Variants in OTUD7A observed in about 807,000 individuals in gnomAD.
OTUD7A encodes the protein OTU domain-containing protein 7A.
Under a neutral mutation model 65.7 loss-of-function variants are expected in OTUD7A, and 12 were observed. The ratio of observed to expected loss-of-function variants is 0.18; its 90% CI spans 0.12 to 0.30. The LOEUF (loss-of-function observed/expected upper bound fraction) is 0.30, where lower values mean the gene tolerates loss of function less well. OTUD7A is among the 10% of genes least tolerant of loss of function. OTUD7A has a pLI of 1.00. For synonymous variants in OTUD7A, 641 were observed against 586.3 expected (o/e 1.09, Z -1.35); for missense variants, 1,148 against 1,304.8 (o/e 0.88, Z 1.85).
At chr15:31,532,876 G>A (rs1165288926) in intron 5 of OTUD7A, among the ~76,000 whole-genome samples, 4 of 150,702 alleles carry the variant, frequency 2.7e-5, no homozygotes, top group African/African-American at 9.8e-5. Flanking sequence ...GGAGCTTGTA[G>A]GGAGCCGAAA....
chr15:31,507,623 C>G (rs887414854), intron 8 of OTUD7A, among the ~76,000 whole-genome samples: 4 of 83,178 alleles, frequency 4.8e-5, no homozygotes, highest in African/African-American at 2.5e-4. Context: ...CAGGTTGCTG[C>G]CGCTGCTGGC....
intron 5 of OTUD7A, among the ~76,000 whole-genome samples, chr15:31,543,046 A>C (rs1046538971): frequency 6.6e-6 from 1 of 152,090 alleles, no homozygotes; most frequent in African/African-American, 2.4e-5. Context: ...GAAACAAAAA[A>C]GGTAAGCATA....
Position 31,501,677 on chromosome 15 carries a change from G to A in OTUD7A, c.1171+13C>T. The A allele has an allele frequency of 6.2e-7, 1 of 1,614,144 alleles. No individual in the cohort carries two copies. On this transcript the variant is annotated intron_variant, in intron 10 of 12. Coordinates refer to ENST00000307050, the MANE Select transcript of OTUD7A (RefSeq NM_001382637.1). ...TAGGCTCCTGCGTGCACTCTCTTGG[G>A]AGACAGGCATACCTTGTTCTCTTTG...
intron 3 of OTUD7A, among the ~76,000 whole-genome samples, chr15:31,644,744 G>A (rs2141265733): frequency 6.6e-6 from 1 of 152,314 alleles, no homozygotes; most frequent in Middle Eastern, 3.4e-3. Flanking sequence ...CTCCCAAAGT[G>A]TTGGGATTAC....
At chr15:31,623,327 T>C (rs1004171436) in intron 3 of OTUD7A, among the ~76,000 whole-genome samples, 13 of 152,192 alleles carry the variant, frequency 8.5e-5, no homozygotes, top group Non-Finnish European at 1.0e-4. Flanking sequence ...CAGAGGTTTG[T>C]GCTGCCTTTT....
intron 1 of OTUD7A, among the ~76,000 whole-genome samples, chr15:31,849,124 C>A (rs901560216): frequency 6.6e-6 from 1 of 152,160 alleles, no homozygotes; most frequent in African/African-American, 2.4e-5. Context: ...CCCGACCTTT[C>A]TCTCTGGCTG....
At chr15:31,678,431 C>G (rs1273787662) in intron 1 of OTUD7A, among the ~76,000 whole-genome samples, 1 of 152,196 alleles carries the variant, frequency 6.6e-6, no homozygotes, top group East Asian at 1.9e-4. Flanking sequence ...TGTCAGAGGT[C>G]TTCACAGCAG....
chr15:31,544,418 G>A (rs1002566570), intron 5 of OTUD7A, among the ~76,000 whole-genome samples: 1 of 151,616 alleles, frequency 6.6e-6, no homozygotes, highest in African/African-American at 2.4e-5. Context: ...GGTATAGAGG[G>A]AAGGGAAAGA....
At chr15:31,616,602 T>C (rs1227144707) in intron 3 of OTUD7A, among the ~76,000 whole-genome samples, 1 of 152,184 alleles carries the variant, frequency 6.6e-6, no homozygotes, top group Non-Finnish European at 1.5e-5. Flanking sequence ...TGGAGTGCAG[T>C]GGCGCAATCT....
At chr15:31,602,939 G>C (rs922097502) in intron 3 of OTUD7A, among the ~76,000 whole-genome samples, 1 of 152,226 alleles carries the variant, frequency 6.6e-6, no homozygotes, top group East Asian at 1.9e-4. Context: ...AAGGTAATAA[G>C]AGAGGACACA....
In OTUD7A at chr15:31,483,149, A is replaced by T; in HGVS notation, c.*145T>A. 1.3e-6 allele frequency: 1 copy of T among 769,912 alleles called. No individual in the cohort carries two copies. The highest frequency in any genetic ancestry group is 1.6e-6 in the Non-Finnish European group (1 of 624,978). The allele number at this position is 769,912 out of a possible 1,614,324, so 47.7% of individuals were successfully genotyped here. On this transcript the variant is annotated 3_prime_UTR_variant, in exon 13 of 13. Coordinates refer to ENST00000307050, the MANE Select transcript of OTUD7A (RefSeq NM_001382637.1). ...CGTCAGTGTAGGTTCAGGCACCATT[A>T]GGAACGTTTGACCAAACACGTACAC...
chr15:31,687,991 G>A (rs1040337676), intron 1 of OTUD7A, among the ~76,000 whole-genome samples: 5 of 152,142 alleles, frequency 3.3e-5, no homozygotes, highest in African/African-American at 7.2e-5. Flanking sequence ...CAAGGCAGGT[G>A]GATCACCTGA....
At chr15:31,771,175 T>A (rs1895224506) in intron 1 of OTUD7A, among the ~76,000 whole-genome samples, 1 of 152,180 alleles carries the variant, frequency 6.6e-6, no homozygotes, top group South Asian at 2.1e-4. Context: ...TTACTAGAAC[T>A]AACACTTGAG....
At chr15:31,748,499 T>C (rs576056176) in intron 1 of OTUD7A, among the ~76,000 whole-genome samples, 3 of 151,970 alleles carry the variant, frequency 2.0e-5, no homozygotes, top group South Asian at 4.1e-4. Context: ...TTAAAAGGTA[T>C]ACAGTTGCAA....
Position 31,484,871 on chromosome 15 carries a change from T to C in OTUD7A, c.1372-147A>G. On this transcript the variant is annotated intron_variant, in intron 12 of 12. Transcript: ENST00000307050. The surrounding 1 kb of genome is among the most constrained non-coding windows in gnomAD (Gnocchi z 4.5). Reference sequence around the variant, plus strand: ...GTCCCCACTGTCGCTCTGGTGACTGTGACATCCGGATGGGCGGTGCTGAAG... The same window carrying C: ...GTCCCCACTGTCGCTCTGGTGACTGCGACATCCGGATGGGCGGTGCTGAAG... The C allele has an allele frequency of 7.1e-7, 1 of 1,405,766 alleles. No homozygotes were observed. Among genetic ancestry groups the C allele is most frequent in the African/African-American group, 1.4e-5 (1 of 69,462 alleles). 87.1% of individuals were successfully genotyped at this position (1,405,766 alleles called of 1,614,324 possible).
intron 1 of OTUD7A, among the ~76,000 whole-genome samples, chr15:31,732,846 C>T (rs1418971141): frequency 2.0e-5 from 3 of 152,196 alleles, no homozygotes; most frequent in African/African-American, 7.2e-5. Flanking sequence ...TGTTTGGTTT[C>T]TGTGTTACTC....
At chr15:31,857,930 G>A (rs1227926681) in intron 1 of OTUD7A, among the ~76,000 whole-genome samples, 9 of 152,066 alleles carry the variant, frequency 5.9e-5, no homozygotes, top group Non-Finnish European at 2.9e-5. Flanking sequence ...ACATTGAAAG[G>A]GAAAAAGAAA....
intron 1 of OTUD7A, among the ~76,000 whole-genome samples, chr15:31,762,994 A>T (rs189861979): frequency 4.6e-4 from 70 of 152,300 alleles, no homozygotes; most frequent in African/African-American, 1.7e-3. Flanking sequence ...ATGTAAAGAC[A>T]GAAGTCAGCC....
At chr15:31,688,886 C>T in intron 1 of OTUD7A, among the ~76,000 whole-genome samples, 1 of 151,422 alleles carries the variant, frequency 6.6e-6, no homozygotes, top group East Asian at 1.9e-4. Flanking sequence ...AAAAAGTAGG[C>T]AAGAAGGTAT....
Sources: allele counts gnomAD v4.1 joint callset (sites outside exome capture counted in the v4.1 genomes callset), GRCh38; gene constraint gnomAD v4.1.1; non-coding constraint Gnocchi (gnomAD v3.1); transcripts MANE v1.5; gene names NCBI Gene and HGNC (gene_info 2026-07-23, HGNC 2026-07-21).